The following TFCP2L1 variants were observed in gnomAD, a reference collection of about 807,000 sequenced individuals.
TFCP2L1 encodes transcription factor CP2 like 1.
TFCP2L1 carries 12 observed loss-of-function variants against 72.2 expected under a neutral mutation model. That is an observed-to-expected ratio of 0.17 (90% confidence interval 0.11 to 0.27). The LOEUF (loss-of-function observed/expected upper bound fraction) is 0.27, where lower values mean the gene tolerates loss of function less well. Ranked by LOEUF, TFCP2L1 falls within the 10% of genes least tolerant of loss-of-function variation. The probability of loss-of-function intolerance (pLI) is 1.00; values close to 1 mark genes in which losing one functional copy is unlikely to be tolerated. For missense variants in TFCP2L1, 488 were observed against 624.6 expected (o/e 0.78, Z 2.33); for synonymous variants, 260 against 251.0 (o/e 1.04, Z -0.34).
At chr2:121,229,623 C>CA (rs1273304160) in intron 13 of TFCP2L1, among the ~76,000 whole-genome samples, 2 of 152,224 alleles carry the variant, frequency 1.3e-5, no homozygotes, top group Admixed American at 6.5e-5. Context: ...CTAGCTCCCC[C>CA]AAATAACAAG....
intron 2 of TFCP2L1, among the ~76,000 whole-genome samples, chr2:121,279,924 C>A (rs1177287329): frequency 2.0e-5 from 3 of 152,116 alleles, no homozygotes; most frequent in Admixed American, 6.5e-5. Context: ...CTGGGGCACA[C>A]AAACAATAAA....
At chr2:121,240,603 T>C (rs2104686545) in intron 7 of TFCP2L1, 2 of 985,438 alleles carry the variant, frequency 2.0e-6, no homozygotes, top group Non-Finnish European at 2.4e-6. Context: ...CGCTGCACTG[T>C]GGCAAGGGCT....
At chr2:121,277,339 A>G (rs1413040226) in intron 2 of TFCP2L1, among the ~76,000 whole-genome samples, 3 of 152,230 alleles carry the variant, frequency 2.0e-5, no homozygotes. Flanking sequence ...CAGCTCAAAA[A>G]AGAAAAGAAA....
At chr2:121,256,061 C>T (rs1012583843) in intron 2 of TFCP2L1, among the ~76,000 whole-genome samples, 1 of 152,080 alleles carries the variant, frequency 6.6e-6, no homozygotes, top group Non-Finnish European at 1.5e-5. Flanking sequence ...TCTTGATACT[C>T]ATTTTATTTC....
At chr2:121,255,466 C>A (rs1339042737) in intron 2 of TFCP2L1, among the ~76,000 whole-genome samples, 2 of 152,214 alleles carry the variant, frequency 1.3e-5, no homozygotes, top group African/African-American at 4.8e-5. Context: ...CAGTACACTG[C>A]AAGCCCTGTA....
chr2:121,249,190 T>TC (rs1004157037), intron 3 of TFCP2L1, 103 bp from the exon 4 acceptor site: 1 of 845,134 alleles, frequency 1.2e-6, no homozygotes, highest in Non-Finnish European at 1.8e-6. Flanking sequence ...TTGAGGCCCC[T>TC]CCCCCTGGGG....
intron 2 of TFCP2L1, among the ~76,000 whole-genome samples, chr2:121,261,219 G>A (rs139534700): frequency 1.1e-3 from 170 of 152,290 alleles, no homozygotes; most frequent in African/African-American, 3.9e-3. Context: ...CAGGGCATTT[G>A]ACCTTCTTTT....
intron 2 of TFCP2L1, among the ~76,000 whole-genome samples, chr2:121,265,045 T>G (rs537220985): frequency 1.6e-4 from 24 of 152,228 alleles, no homozygotes; most frequent in Non-Finnish European, 3.5e-4. Context: ...AACAGCATTA[T>G]TCACAATAGC....
chr2:121,281,699 T>C lies in TFCP2L1; in HGVS notation c.63-428A>G, dbSNP rs115990401. 9.1e-3 allele frequency among the ~76,000 whole-genome samples: 1,390 copies of C among 152,176 alleles called. 7 individuals are homozygous for C. The highest frequency in any genetic ancestry group is 0.015 in the Non-Finnish European group (1,032 of 68,010). The stretch of plus-strand genomic sequence containing the variant: ...ACATTTTTATTTTTTAATCAACAAT[T>C]CCATTTACCGGCCACTTCTCATAGC... On this transcript the variant is annotated intron_variant, in intron 1 of 14. Transcript: ENST00000263707.
chr2:121,238,276 T>C (rs1332478053), intron 8 of TFCP2L1, among the ~76,000 whole-genome samples: 1 of 151,988 alleles, frequency 6.6e-6, no homozygotes, highest in African/African-American at 2.4e-5. Flanking sequence ...ACCAAACCCT[T>C]TGTCAGGTGG....
In TFCP2L1 at chr2:121,237,616, T is replaced by C; in HGVS notation, c.1003+7A>G. ...ATGGGCTTTAAACACAGTTCGGAGA[T>C]GCTCACCTGAGAAGCTGGCAAAGAG... On this transcript the variant is annotated splice_region_variant and intron_variant, in intron 10 of 14. Coordinates refer to ENST00000263707, the MANE Select transcript of TFCP2L1 (RefSeq NM_014553.3). 6.2e-7 allele frequency: 1 copy of C among 1,614,062 alleles called. No homozygotes were observed. Among genetic ancestry groups the C allele is most frequent in the Non-Finnish European group, 8.5e-7 (1 of 1,180,018 alleles).
At chr2:121,263,948 A>G (rs1247118307) in intron 2 of TFCP2L1, among the ~76,000 whole-genome samples, 2 of 152,212 alleles carry the variant, frequency 1.3e-5, no homozygotes, top group Non-Finnish European at 2.9e-5. Context: ...AATTTTGAAA[A>G]CATGAAGAAA....
rs544757779 is a variant in TFCP2L1, at chr2:121,219,999, C to G, written c.*4342G>C. 3 of 151,750 alleles carry G rather than the reference C, an allele frequency of 2.0e-5. No individual in the cohort carries two copies. The South Asian group carries it at 6.3e-4, about 32-fold the overall frequency. 9.4% of individuals were successfully genotyped at this position (151,750 alleles called of 1,614,324 possible). On this transcript the variant is annotated 3_prime_UTR_variant, in exon 15 of 15. Coordinates refer to ENST00000263707, the MANE Select transcript of TFCP2L1 (RefSeq NM_014553.3). ...CAGGCAGTGTCAACATCTAATCCCC[C>G]ACCCCCGCCCAATCATCCACTGCTT...
At chr2:121,238,007 G>A (rs1001578969) in intron 8 of TFCP2L1, among the ~76,000 whole-genome samples, 157 bp from the exon 9 acceptor site, 1 of 152,188 alleles carries the variant, frequency 6.6e-6, no homozygotes, top group Non-Finnish European at 1.5e-5. Flanking sequence ...CAGAAACACA[G>A]CAGGAGCCAA....
intron 1 of TFCP2L1, 120 bp downstream of exon 1, chr2:121,284,928 G>A (rs1687336628): frequency 1.1e-6 from 1 of 875,202 alleles, no homozygotes; most frequent in Non-Finnish European, 1.5e-6. Context: ...AGTCCCCAGA[G>A]GGCGGACAGC....
At chr2:121,263,489 A>G (rs1206364887) in intron 2 of TFCP2L1, among the ~76,000 whole-genome samples, 2 of 151,798 alleles carry the variant, frequency 1.3e-5, no homozygotes, top group African/African-American at 4.8e-5. Context: ...AAAAAAAAAA[A>G]AAAAGGGCAT....
At chr2:121,224,982 C>CAA (rs34800606) in intron 14 of TFCP2L1, among the ~76,000 whole-genome samples, 2,898 of 110,850 alleles carry the variant, frequency 0.026, 139 homozygotes, top group African/African-American at 0.09. Flanking sequence ...AAGACTCCAT[C>CAA]AAAAAAAAAA....
intron 2 of TFCP2L1, among the ~76,000 whole-genome samples, chr2:121,252,280 C>T (rs1686628021): frequency 6.6e-6 from 1 of 152,148 alleles, no homozygotes; most frequent in South Asian, 2.1e-4. Flanking sequence ...CTCCTGGGCT[C>T]AAGTGATCCC....
chr2:121,276,536 G>A, intron 2 of TFCP2L1, among the ~76,000 whole-genome samples: 1 of 151,856 alleles, frequency 6.6e-6, no homozygotes, highest in African/African-American at 2.4e-5. Flanking sequence ...AGGAGGCTGA[G>A]GTAGGAGGAT....
Sources: allele counts gnomAD v4.1 joint callset (sites outside exome capture counted in the v4.1 genomes callset), GRCh38; gene constraint gnomAD v4.1.1; transcripts MANE v1.5; gene names NCBI Gene and HGNC (gene_info 2026-07-23, HGNC 2026-07-21).